Variants in DIS3L2 observed in about 807,000 individuals in gnomAD.
The protein encoded by DIS3L2 is DIS3-like exonuclease 2.
Under a neutral mutation model 97.5 loss-of-function variants are expected in DIS3L2, and 34 were observed. The ratio of observed to expected loss-of-function variants is 0.35; its 90% confidence interval spans 0.27 to 0.46. DIS3L2 has a LOEUF of 0.46. Ranked by LOEUF, DIS3L2 falls within the 20% of genes least tolerant of loss-of-function variation. The pLI, the probability that DIS3L2 is intolerant of heterozygous loss-of-function variation, is 1.00. For synonymous variants in DIS3L2, 435 were observed against 445.2 expected (o/e 0.98, Z 0.29); for missense variants, 1,038 against 1,146.0 (o/e 0.91, Z 1.36).
At chr2:232,000,345 T>G (rs1207339858) in intron 1 of DIS3L2, among the ~76,000 whole-genome samples, 2 of 152,230 alleles carry the variant, frequency 1.3e-5, no homozygotes, top group South Asian at 4.1e-4. Flanking sequence ...TGCCGTGATA[T>G]ACAATAGATC....
chr2:232,340,969 C>T (rs1359723881), downstream of DIS3L2: 2 of 469,648 alleles, frequency 4.3e-6, no homozygotes, highest in Admixed American at 4.7e-5. Context: ...TGATGAATGC[C>T]TTCCTGGAGG....
intron 1 of DIS3L2, among the ~76,000 whole-genome samples, chr2:231,966,171 C>CTTT (rs59059695): frequency 3.0e-4 from 42 of 140,502 alleles, no homozygotes; most frequent in South Asian, 2.9e-3. Context: ...TCTTCTTCTT[C>CTTT]TTTTTTTTTT....
chr2:232,336,584 AGGAGGAGGAGTCTGAC>A lies in DIS3L2; in HGVS notation c.2615_2630del (p.Glu872ValfsTer39). ...CAGGGCCACCTGGGCCCTGAGAAGGAGGAGGAGGAGTCTGACGGTGAGCCCGAGGACTCAAGCACCA... is the reference window on the plus strand; with the variant it reads ...CAGGGCCACCTGGGCCCTGAGAAGGAGGTGAGCCCGAGGACTCAAGCACCA... On this transcript the variant is annotated frameshift_variant, in exon 21 of 21. Coordinates refer to ENST00000325385, the MANE Select transcript of DIS3L2 (RefSeq NM_152383.5). LOFTEE classifies it low-confidence loss of function (END_TRUNC). 1 of 1,608,598 alleles carries A rather than the reference AGGAGGAGGAGTCTGAC, an allele frequency of 6.2e-7. No homozygotes were observed. Among genetic ancestry groups the A allele is most frequent in the South Asian group, 1.1e-5 (1 of 91,056 alleles).
intron 12 of DIS3L2, chr2:232,260,828 G>A (rs1693694361): frequency 6.6e-6 from 1 of 152,240 alleles, no homozygotes; most frequent in Non-Finnish European, 1.5e-5. Flanking sequence ...TGGAGGCTTT[G>A]TGGTGTGAAC....
At chr2:232,122,740 A>T (rs1308109106) in intron 6 of DIS3L2, among the ~76,000 whole-genome samples, 1 of 151,920 alleles carries the variant, frequency 6.6e-6, no homozygotes, top group Non-Finnish European at 1.5e-5. Context: ...CAAAAACAAA[A>T]CTCCAAGAGA....
rs187606403 is a variant in DIS3L2, at chr2:232,268,849, G to A, written c.1659+5409G>A. Among the ~76,000 whole-genome samples, 10 of 152,294 alleles carry A rather than the reference G, an allele frequency of 6.6e-5. No homozygotes were observed. Among genetic ancestry groups the A allele is most frequent in the African/African-American group, 2.2e-4 (9 of 41,554 alleles). On this transcript the variant is annotated intron_variant, in intron 13 of 20. Coordinates refer to ENST00000325385, the MANE Select transcript of DIS3L2 (RefSeq NM_152383.5). This position sits in a 1 kb window ranked among gnomAD's most constrained non-coding sequence, Gnocchi z 4.1. ...CCAGGCTGGGTAATGGAGAACAGTC[G>A]TGCTAAGTTAACTCTCAGGATGGCT...
chr2:232,012,491 C>T (rs1407954221), intron 1 of DIS3L2, among the ~76,000 whole-genome samples: 1 of 152,116 alleles, frequency 6.6e-6, no homozygotes, highest in Non-Finnish European at 1.5e-5. Context: ...ATTTTCAATT[C>T]CAGCGCTTGT....
rs569446203 is a variant in DIS3L2 at position 231,974,155 on chromosome 2, A to G, written c.-94+12390A>G. ...TCTGTGAGGGTGGATTTCAGCCACCAGAAATTGGTGAAGTGGGGGACAAGG... is the reference window on the plus strand; with the variant it reads ...TCTGTGAGGGTGGATTTCAGCCACCGGAAATTGGTGAAGTGGGGGACAAGG... On this transcript the variant is annotated intron_variant, in intron 1 of 20. Transcript: ENST00000325385. 2.0e-5 allele frequency among the ~76,000 whole-genome samples: 3 copies of G among 152,298 alleles called. No individual in the cohort carries two copies. In the South Asian group the frequency reaches 6.2e-4, roughly 32 times the overall value.
intron 14 of DIS3L2, among the ~76,000 whole-genome samples, chr2:232,320,302 A>C (rs1222282848): frequency 6.6e-6 from 1 of 152,200 alleles, no homozygotes; most frequent in African/African-American, 2.4e-5. Context: ...GCTGTGTTCC[A>C]GGGGGTGATA....
chr2:232,227,084 C>T (rs530206220), intron 10 of DIS3L2, among the ~76,000 whole-genome samples: 1 of 152,294 alleles, frequency 6.6e-6, no homozygotes, highest in South Asian at 2.1e-4. Context: ...TAAAAGACTA[C>T]TTGACAAGGT....
chr2:232,089,393 C>T (rs1696770404), intron 6 of DIS3L2, among the ~76,000 whole-genome samples: 1 of 152,212 alleles, frequency 6.6e-6, no homozygotes, highest in Non-Finnish European at 1.5e-5. Context: ...CTTTTGGATG[C>T]TATTCCTTGA....
At chr2:232,088,013 T>C (rs991434296) in intron 6 of DIS3L2, among the ~76,000 whole-genome samples, 2 of 152,250 alleles carry the variant, frequency 1.3e-5, no homozygotes, top group East Asian at 3.8e-4. Flanking sequence ...GGCGCAATCC[T>C]GTGGATGATG....
At chr2:232,081,175 G>A (rs576397022) in intron 5 of DIS3L2, among the ~76,000 whole-genome samples, 20 of 152,218 alleles carry the variant, frequency 1.3e-4, no homozygotes, top group African/African-American at 4.3e-4. Flanking sequence ...AAAATACTTC[G>A]TAGGTGGTGA....
chr2:232,279,567 C>T (rs529721548), intron 13 of DIS3L2, among the ~76,000 whole-genome samples: 36 of 151,948 alleles, frequency 2.4e-4, no homozygotes, highest in Admixed American at 4.6e-4. Context: ...CTTGCACTAT[C>T]GCCCAGGCTG....
chr2:232,101,010 C>T (rs1041564213), intron 6 of DIS3L2, among the ~76,000 whole-genome samples: 4 of 151,744 alleles, frequency 2.6e-5, no homozygotes, highest in South Asian at 2.1e-4. Context: ...CCGAGGTGGG[C>T]GGATCAGTTG....
rs775814377 is a variant in DIS3L2, at chr2:232,329,996, T to A, written c.1923T>A (p.Asn641Lys). The part of the protein sequence containing the change: ...PVDFSSAGAL[N>K]KSLTQTFGDD... Reference sequence around the variant, plus strand: ...ACTTCAGCTCCGCAGGAGCCCTCAATGTGAGTGGTGGGCAGGATTCGGGGG... The same window carrying A: ...ACTTCAGCTCCGCAGGAGCCCTCAAAGTGAGTGGTGGGCAGGATTCGGGGG... The change falls in exon 15 of 21, where the codon AAT becomes AAA. Residue 641 changes from asparagine to lysine, a missense_variant and splice_region_variant. This residue lies in a region of DIS3L2 where 813 missense variants were observed against 880.1 expected (regional missense o/e 0.92). Transcript: ENST00000325385. 1 of 1,606,088 alleles carries A rather than the reference T, an allele frequency of 6.2e-7. No individual in the cohort carries two copies. The highest frequency in any genetic ancestry group is 8.5e-7 in the Non-Finnish European group (1 of 1,175,226).
At chr2:231,965,941 C>T (rs781690861) in intron 1 of DIS3L2, among the ~76,000 whole-genome samples, 11 of 152,140 alleles carry the variant, frequency 7.2e-5, no homozygotes, top group Non-Finnish European at 1.3e-4. Context: ...GCTTCAACCT[C>T]CCGAAGTTCT....
intron 8 of DIS3L2, among the ~76,000 whole-genome samples, chr2:232,144,096 C>T (rs1359015020): frequency 6.6e-6 from 1 of 151,966 alleles, no homozygotes; most frequent in Non-Finnish European, 1.5e-5. Context: ...TAGCAATGTA[C>T]ATTTGGGTTG....
intron 9 of DIS3L2, among the ~76,000 whole-genome samples, chr2:232,202,427 A>G (rs1377053781): frequency 1.3e-5 from 2 of 152,164 alleles, no homozygotes; most frequent in Non-Finnish European, 2.9e-5. Flanking sequence ...AAAACATAGA[A>G]CGATGAGAGG....
Sources: allele counts gnomAD v4.1 joint callset (sites outside exome capture counted in the v4.1 genomes callset), GRCh38; gene constraint gnomAD v4.1.1; regional missense constraint gnomAD v4.1.1; non-coding constraint Gnocchi (gnomAD v3.1); transcripts MANE v1.5; gene names NCBI Gene and HGNC (gene_info 2026-07-23, HGNC 2026-07-21).